The following FSTL4 variants were observed in gnomAD, a reference collection of about 807,000 sequenced individuals.
FSTL4 encodes the protein follistatin-related protein 4.
A neutral mutation model predicts 78.2 loss-of-function variants in FSTL4; 28 were observed. The observed-to-expected ratio is 0.36, with a 90% CI of 0.27 to 0.49. The LOEUF is 0.49. Among genes scored for constraint, FSTL4 ranks in the 20% least tolerant of loss-of-function variants. FSTL4 has a pLI of 0.98. For synonymous variants in FSTL4, 422 were observed against 440.5 expected (o/e 0.96, Z 0.53); for missense variants, 922 against 1,084.9 (o/e 0.85, Z 2.11).
chr5:133,346,809 G>T (rs986695326), intron 4 of FSTL4, among the ~76,000 whole-genome samples: 4 of 151,860 alleles, frequency 2.6e-5, no homozygotes, highest in African/African-American at 7.3e-5. Flanking sequence ...TTTCTCTCTC[G>T]CCTTTTCCAT....
intron 3 of FSTL4, among the ~76,000 whole-genome samples, chr5:133,566,102 C>T (rs1760021765): frequency 6.6e-6 from 1 of 152,162 alleles, no homozygotes; most frequent in Non-Finnish European, 1.5e-5. Flanking sequence ...AAGATAATGG[C>T]AAATGGGAAT....
chr5:133,836,121 T>C, the FSTL4 span, among the ~76,000 whole-genome samples: 1 of 152,204 alleles, frequency 6.6e-6, no homozygotes, highest in African/African-American at 2.4e-5. Flanking sequence ...TGAGTTTTGT[T>C]TTTATCTAGT....
At chr5:133,660,601 G>A in the FSTL4 span, among the ~76,000 whole-genome samples, 5 of 152,114 alleles carry the variant, frequency 3.3e-5, no homozygotes, top group Non-Finnish European at 4.4e-5. Flanking sequence ...AAGTTGTCTC[G>A]GTTCAAATGC....
At chr5:133,504,635 C>G (rs1310835669) in intron 3 of FSTL4, among the ~76,000 whole-genome samples, 1 of 152,130 alleles carries the variant, frequency 6.6e-6, no homozygotes, top group African/African-American at 2.4e-5. Context: ...TTACCTTGTC[C>G]CATGTATCCC....
chr5:133,707,217 G>A, the FSTL4 span, among the ~76,000 whole-genome samples: 1 of 152,102 alleles, frequency 6.6e-6, no homozygotes, highest in Non-Finnish European at 1.5e-5. Context: ...TGATAGGTAT[G>A]ATTTCATGGC....
the FSTL4 span, among the ~76,000 whole-genome samples, chr5:133,623,306 CAT>C: frequency 6.6e-6 from 1 of 152,022 alleles, no homozygotes; most frequent in African/African-American, 2.4e-5. Flanking sequence ...TAAGGACAGA[CAT>C]ATAGACCAAT....
At chr5:133,769,912 G>A in the FSTL4 span, among the ~76,000 whole-genome samples, 1 of 151,988 alleles carries the variant, frequency 6.6e-6, no homozygotes, top group Non-Finnish European at 1.5e-5. Context: ...ACATCCATGG[G>A]TACCCATTGT....
At chr5:133,590,792 G>T (rs256245) in intron 2 of FSTL4, among the ~76,000 whole-genome samples, 33,564 of 152,082 alleles carry the variant, frequency 0.22, 3,841 homozygotes, top group Middle Eastern at 0.33. Context: ...GAACAGAAAT[G>T]TATTGGCTCA....
chr5:133,307,910 A>G (rs1360093352), intron 6 of FSTL4, among the ~76,000 whole-genome samples: 1 of 151,510 alleles, frequency 6.6e-6, no homozygotes. Flanking sequence ...CCTCCCAAGT[A>G]GCTGAGACTA....
chr5:133,503,166 A>G lies in FSTL4; in HGVS notation c.160+64020T>C, dbSNP rs1758537380. Among the ~76,000 whole-genome samples the G allele has an allele frequency of 2.0e-5, 3 of 152,366 alleles. No homozygotes were observed. In the South Asian group the frequency reaches 6.2e-4, roughly 32 times the overall value. On this transcript the variant is annotated intron_variant, in intron 3 of 15. Transcript: ENST00000265342. ...AGAGACTTTCCAGAGAGATATAGAAATGATCACAGATCATGCTTACTCCCA... is the reference window on the plus strand; with the variant it reads ...AGAGACTTTCCAGAGAGATATAGAAGTGATCACAGATCATGCTTACTCCCA...
chr5:133,798,384 G>A, the FSTL4 span, among the ~76,000 whole-genome samples: 2 of 152,082 alleles, frequency 1.3e-5, no homozygotes, highest in Non-Finnish European at 2.9e-5. Context: ...CTCAGAGGGA[G>A]GTCTGTACAG....
At chr5:133,726,061 C>T in the FSTL4 span, among the ~76,000 whole-genome samples, 10 of 152,324 alleles carry the variant, frequency 6.6e-5, no homozygotes, top group Non-Finnish European at 1.0e-4. Flanking sequence ...TTCTCCAGAA[C>T]GCTGGGTGAT....
At chr5:133,730,760 T>G in the FSTL4 span, among the ~76,000 whole-genome samples, 12 of 152,230 alleles carry the variant, frequency 7.9e-5, no homozygotes, top group African/African-American at 2.9e-4. Context: ...GAGATGATTT[T>G]TAAATTTCAT....
At chr5:133,326,923 C>A (rs1445596517) in intron 4 of FSTL4, among the ~76,000 whole-genome samples, 2 of 152,238 alleles carry the variant, frequency 1.3e-5, no homozygotes, top group African/African-American at 4.8e-5. Context: ...ACTCAGCCTG[C>A]CTCCTGTCCC....
rs1242294141 is a variant in FSTL4 at position 133,433,889 on chromosome 5, G to A, written c.161-32903C>T. ...GGCTGAAGCAAGGCGGGAAGGGAGC[G>A]TGGCAGGAGATGAGGTCAGATAGGG... On this transcript the variant is annotated intron_variant, in intron 3 of 15. Coordinates refer to ENST00000265342, the MANE Select transcript of FSTL4 (RefSeq NM_015082.2). Among the ~76,000 whole-genome samples, 8 of 152,202 alleles carry A rather than the reference G, an allele frequency of 5.3e-5. No homozygotes were observed. The South Asian group carries it at 8.3e-4, about 16-fold the overall frequency.
chr5:133,409,136 C>T (rs1756429777), intron 3 of FSTL4, among the ~76,000 whole-genome samples: 4 of 152,178 alleles, frequency 2.6e-5, no homozygotes, highest in African/African-American at 7.2e-5. Context: ...TAAACTCCGC[C>T]TGGCTTCCAA....
chr5:133,701,123 C>T, the FSTL4 span, among the ~76,000 whole-genome samples: 3 of 152,160 alleles, frequency 2.0e-5, no homozygotes. Flanking sequence ...CAGGTGAGAG[C>T]CAGGCATGGT....
At chr5:133,213,013 ATTT>A (rs530591042) in intron 13 of FSTL4, among the ~76,000 whole-genome samples, 4 of 141,408 alleles carry the variant, frequency 2.8e-5, no homozygotes, top group African/African-American at 2.6e-5. Flanking sequence ...GAAAGTAAAG[ATTT>A]TTTTTTTTTT....
At chr5:133,791,346 G>A in the FSTL4 span, among the ~76,000 whole-genome samples, 1 of 151,492 alleles carries the variant, frequency 6.6e-6, no homozygotes, top group Non-Finnish European at 1.5e-5. Flanking sequence ...TTGTTTCCTT[G>A]CACTTACCTC....
Sources: gnomAD v4.1 joint callset for allele counts (sites outside exome capture counted in the v4.1 genomes callset) on GRCh38, gnomAD v4.1.1 for gene constraint, MANE v1.5 for transcripts, NCBI Gene and HGNC (gene_info 2026-07-23, HGNC 2026-07-21) for gene names.